The following RPL13 variants were observed in gnomAD, a reference collection of about 807,000 sequenced individuals.
RPL13 encodes the protein ribosomal protein L13.
RPL13 carries 1 observed loss-of-function variant against 21.4 expected under a neutral mutation model. That is an observed-to-expected ratio of 0.05 (90% CI 0.02 to 0.22). The LOEUF (loss-of-function observed/expected upper bound fraction) is 0.22, where lower values mean the gene tolerates loss of function less well. RPL13 is among the 10% of genes least tolerant of loss of function. The pLI, the probability that RPL13 is intolerant of heterozygous loss-of-function variation, is 1.00. For missense variants in RPL13, 289 were observed against 303.0 expected, an observed-to-expected ratio of 0.95 and a Z score of 0.34; for synonymous variants, 143 against 120.5, an observed-to-expected ratio of 1.19 and a Z score of -1.23.
chr16:89,562,827 G>C (rs1205261655), intron 5 of RPL13, 57 bp from the exon 6 acceptor site: 3 of 1,466,216 alleles, frequency 2.0e-6, no homozygotes, highest in Non-Finnish European at 2.7e-6. Context: ...CCTGACGCTT[G>C]GTTGTTCCCT....
rs1204498677 is a variant in RPL13, at chr16:89,562,681, C to G, written c.478-203C>G. On this transcript the variant is annotated intron_variant, in intron 5 of 5. Transcript: ENST00000311528. ...GAATTGCTGGGTTTACAGGCTTGAG[C>G]CGCCATGTCCAGCTCAGGGAGGGTT... 5.2e-6 allele frequency: 3 copies of G among 580,996 alleles called. No individual in the cohort carries two copies. In the Admixed American group the frequency reaches 1.2e-4, roughly 23 times the overall value. 36.0% of individuals were successfully genotyped at this position (580,996 alleles called of 1,614,324 possible). A position where few individuals can be genotyped will look rare whatever the true frequency, so the allele number is the denominator to read the frequency against.
chr16:89,560,732 G>A lies in RPL13; in HGVS notation c.-21+20G>A, dbSNP rs944204773. ...CAGGAGGTGAGGGAGACTGGGTCCT[G>A]GCCTTTGGGCATCATCCAGCGCCAT... On this transcript the variant is annotated intron_variant, in intron 1 of 5. Transcript: ENST00000311528. The A allele has an allele frequency of 2.0e-6, 1 of 500,950 alleles. No individual in the cohort carries two copies. The highest frequency in any genetic ancestry group is 3.5e-6 in the Non-Finnish European group (1 of 284,882). The allele number at this position is 500,950 out of a possible 1,614,324, so 31.0% of individuals were successfully genotyped here.
Position 89,562,690 on chromosome 16 carries a change from C to T in RPL13, c.478-194C>T. Reference sequence around the variant, plus strand: ...GGTTTACAGGCTTGAGCCGCCATGTCCAGCTCAGGGAGGGTTTTTCTTTTT... The same window carrying T: ...GGTTTACAGGCTTGAGCCGCCATGTTCAGCTCAGGGAGGGTTTTTCTTTTT... On this transcript the variant is annotated intron_variant, in intron 5 of 5. Transcript: ENST00000311528. 5.0e-6 allele frequency: 3 copies of T among 598,156 alleles called. 1 individual carries two copies. Among genetic ancestry groups the T allele is most frequent in the Admixed American group, 7.8e-5 (2 of 25,530 alleles). The allele number at this position is 598,156 out of a possible 1,614,324, so 37.1% of individuals were successfully genotyped here.
At chr16:89,562,120 TAACTGTCTCGTGCGTGTTGCGTC>T in intron 4 of RPL13, 192 bp from the exon 5 acceptor site, 1 of 612,052 alleles carries the variant, frequency 1.6e-6, no homozygotes, top group South Asian at 2.0e-5. Flanking sequence ...CACAGGTAGA[TAACTGTCTCGTGCGTGTTGCGTC>T]AACTCAGTAA....
chr16:89,565,865 A>ATT (rs1945869848), downstream of RPL13: 1 of 152,180 alleles, frequency 6.6e-6, no homozygotes, highest in Non-Finnish European at 1.5e-5. Flanking sequence ...GAACACCTTG[A>ATT]TTTCGTCCAT....
chr16:89,565,174 G>A (rs1049577769), downstream of RPL13: 12 of 152,420 alleles, frequency 7.9e-5, no homozygotes, highest in African/African-American at 2.9e-4. Context: ...AACAGGAGAG[G>A]ATGGGCTTTC....
At chr16:89,566,212 G>A (rs1191570324), downstream of RPL13, 4 of 151,668 alleles carry the variant, frequency 2.6e-5, no homozygotes, top group Admixed American at 6.6e-5. Flanking sequence ...AGAACTGATC[G>A]GGGATAGTCT....
In RPL13 at chr16:89,563,107, G is replaced by T. The variant is rs1230839139; in HGVS notation, c.*65G>T. ...GGGTCTCCACGTGGTGTGTTTCGTG[G>T]GAACAACTGGGCCTGGGATGGGGCT... On this transcript the variant is annotated 3_prime_UTR_variant, in exon 6 of 6. Coordinates refer to ENST00000311528, the MANE Select transcript of RPL13 (RefSeq NM_000977.4). 1 of 1,376,852 alleles carries T rather than the reference G, an allele frequency of 7.3e-7. No homozygotes were observed. The highest frequency in any genetic ancestry group is 1.5e-5 in the African/African-American group (1 of 67,302). The allele number at this position is 1,376,852 out of a possible 1,614,324, so 85.3% of individuals were successfully genotyped here.
Position 89,561,366 on chromosome 16 carries a change from A to T in RPL13, c.244A>T (p.Arg82Trp). 6.2e-7 allele frequency: 1 copy of T among 1,608,336 alleles called. No individual in the cohort carries two copies. ...CCGCGGCTTCAGCCTGGAGGAGCTC[A>T]GGGTGAGTACTGGCAGCGCTGCGGT... ...AGRGFSLEEL[R>W]VAGIHKKVAR... The change falls in exon 3 of 6, where the codon AGG (arginine) becomes TGG (tryptophan). Residue 82 changes from arginine to tryptophan, a missense_variant and splice_region_variant. Arg to Trp is a moderately radical substitution (Grantham distance 101). Transcript: ENST00000311528.
At chr16:89,566,500 T>C (rs2058792293), downstream of RPL13, 1 of 152,182 alleles carries the variant, frequency 6.6e-6, no homozygotes, top group Non-Finnish European at 1.5e-5. Context: ...CTTTTCTATT[T>C]TAAAATTATC....
At chr16:89,562,569 C>A in intron 5 of RPL13, 178 bp downstream of exon 5, 1 of 614,346 alleles carries the variant, frequency 1.6e-6, no homozygotes, top group Non-Finnish European at 2.8e-6. Context: ...AACCATGAAG[C>A]CATACATTGG....
At chr16:89,564,669 A>G (rs1191004485), downstream of RPL13, 1 of 152,232 alleles carries the variant, frequency 6.6e-6, no homozygotes, top group Non-Finnish European at 1.5e-5. Context: ...AAAGTTGTAC[A>G]AGGTGGATGG....
intron 5 of RPL13, 42 bp downstream of exon 5, chr16:89,562,433 AGTGGGTGAACAC>A (rs749479686): frequency 1.6e-5 from 26 of 1,592,894 alleles, no homozygotes; most frequent in Non-Finnish European, 2.1e-5. Context: ...AGACGAGATC[AGTGGGTGAACAC>A]GTGGGTATCT....
intron 3 of RPL13, 65 bp downstream of exon 3, chr16:89,561,433 G>C (rs761525924): frequency 1.2e-6 from 2 of 1,612,592 alleles, no homozygotes; most frequent in Non-Finnish European, 1.7e-6. Context: ...CCTCAGTCGC[G>C]TGATGACATT....
Position 89,562,972 on chromosome 16 carries a change from C to T in RPL13, c.566C>T (p.Ala189Val). ...AGTCTCCGTATGGCCCGTGCCAACG[C>T]CCGGCTCTTCGGCATACGGGCAAAA... ...FASLRMARAN[A>V]RLFGIRAKRA... The change falls in exon 6 of 6, where the codon GCC becomes GTC. Residue 189 changes from alanine to valine, a missense_variant. Physicochemically the swap from Ala to Val is moderately conservative, Grantham distance 64. Coordinates refer to ENST00000311528, the MANE Select transcript of RPL13 (RefSeq NM_000977.4). The T allele has an allele frequency of 6.3e-7, 1 of 1,590,140 alleles. No individual in the cohort carries two copies. Among genetic ancestry groups the T allele is most frequent in the South Asian group, 1.1e-5 (1 of 88,128 alleles).
At position 89,561,880 on chromosome 16, in the gene RPL13, C is replaced by T. The variant is rs1007455375; in HGVS notation, c.420+129C>T. On this transcript the variant is annotated intron_variant, in intron 4 of 5. Coordinates refer to ENST00000311528, the MANE Select transcript of RPL13 (RefSeq NM_000977.4). The stretch of plus-strand genomic sequence containing the variant: ...AAAACATTGTGGGTGATGAGCTAAG[C>T]GGGACTGCTAAGGTTCACCTGTGCG... 7.8e-6 allele frequency: 8 copies of T among 1,022,294 alleles called. No individual in the cohort carries two copies. In the African/African-American group the frequency reaches 8.1e-5, roughly 10 times the overall value. The allele number at this position is 1,022,294 out of a possible 1,614,324, so 63.3% of individuals were successfully genotyped here. A position where few individuals can be genotyped will look rare whatever the true frequency, so the allele number is the denominator to read the frequency against.
At position 89,562,748 on chromosome 16, in the gene RPL13, G is replaced by A. The variant is rs1389542351; in HGVS notation, c.478-136G>A. ...AATCCCAGGGAAGGTGATTGACTCA[G>A]GGTTGCTTTTCAGCAGTACTTATGG... On this transcript the variant is annotated intron_variant, in intron 5 of 5. Transcript: ENST00000311528. The A allele has an allele frequency of 4.9e-6, 4 of 814,898 alleles. No homozygotes were observed. In the African/African-American group the frequency reaches 5.4e-5, roughly 11 times the overall value. 50.5% of individuals were successfully genotyped at this position (814,898 alleles called of 1,614,324 possible).
At position 89,563,192 on chromosome 16, in the gene RPL13, C is replaced by T; in HGVS notation, c.*150C>T. ...GGGCTTTCTTGAAAGACAGTCCAAG[C>T]CCTGGATAATGCTTTACTTTCTGTG... On this transcript the variant is annotated 3_prime_UTR_variant, in exon 6 of 6. Transcript: ENST00000311528. 1.5e-6 allele frequency: 1 copy of T among 688,380 alleles called. No individual in the cohort carries two copies. Among genetic ancestry groups the T allele is most frequent in the Non-Finnish European group, 2.2e-6 (1 of 458,040 alleles). 42.6% of individuals were successfully genotyped at this position (688,380 alleles called of 1,614,324 possible).
Position 89,561,669 on chromosome 16 carries a change from A to T in RPL13, c.338A>T (p.Asn113Ile). ...RNKSTESLQA[N>I]VQRLKEYRSK... The stretch of plus-strand genomic sequence containing the variant: ...AAGTCCACGGAGTCCCTGCAGGCCA[A>T]CGTGCAGCGGCTGAAGGAGTACCGC... The change falls in exon 4 of 6, where the codon AAC becomes ATC. Residue 113 changes from asparagine to isoleucine, a missense_variant. Asn to Ile is a moderately radical substitution (Grantham distance 149). Transcript: ENST00000311528. 8 of 1,613,876 alleles carry T rather than the reference A, an allele frequency of 5.0e-6. No individual in the cohort carries two copies. Among genetic ancestry groups the T allele is most frequent in the Non-Finnish European group, 5.9e-6 (7 of 1,180,032 alleles).
Sources: gnomAD v4.1 joint callset for allele counts on GRCh38, gnomAD v4.1.1 for gene constraint, MANE v1.5 for transcripts, NCBI Gene and HGNC (gene_info 2026-07-23, HGNC 2026-07-21) for gene names.